The following MERTK variants were observed in gnomAD, a reference collection of about 807,000 sequenced individuals.
MERTK encodes the protein MER proto-oncogene, tyrosine kinase.
In MERTK, 69 loss-of-function variants were observed where a neutral mutation model predicts 99.3. That is an observed-to-expected ratio of 0.70 (90% CI 0.57 to 0.85). The LOEUF (loss-of-function observed/expected upper bound fraction) is 0.85. MERTK is among the 40% of genes least tolerant of loss of function. MERTK has a pLI of 0.00. For synonymous variants in MERTK, 426 were observed against 467.6 expected, an observed-to-expected ratio of 0.91 and a Z score of 1.15; for missense variants, 1,125 against 1,249.4, an observed-to-expected ratio of 0.90 and a Z score of 1.50.
At chr2:111,921,613 C>G (rs1214940212) in intron 1 of MERTK, among the ~76,000 whole-genome samples, 1 of 152,138 alleles carries the variant, frequency 6.6e-6, no homozygotes, top group Non-Finnish European at 1.5e-5. Flanking sequence ...GAGGAAACAG[C>G]ATACCTCTGG....
chr2:111,956,214 T>C (rs1045263007), intron 4 of MERTK, among the ~76,000 whole-genome samples: 4 of 152,196 alleles, frequency 2.6e-5, no homozygotes, highest in African/African-American at 9.7e-5. Context: ...AACTTCTGTA[T>C]ATAAAATAGG....
chr2:111,918,428 T>A (rs1684392649), intron 1 of MERTK, among the ~76,000 whole-genome samples: 1 of 151,688 alleles, frequency 6.6e-6, no homozygotes, highest in African/African-American at 2.4e-5. Context: ...GAACTGAGCA[T>A]CTCATCTGGG....
At chr2:111,928,358 T>C (rs967243655) in intron 1 of MERTK, among the ~76,000 whole-genome samples, 1 of 151,050 alleles carries the variant, frequency 6.6e-6, no homozygotes, top group African/African-American at 2.4e-5. Flanking sequence ...CCCAAATAGC[T>C]GGGACTACAG....
At chr2:111,977,834 A>G (rs952880635) in intron 7 of MERTK, among the ~76,000 whole-genome samples, 8 of 152,016 alleles carry the variant, frequency 5.3e-5, no homozygotes, top group Non-Finnish European at 8.8e-5. Flanking sequence ...CTCATCTGAC[A>G]TTAGTCCTAT....
chr2:111,958,588 T>C (rs550408606), intron 4 of MERTK, among the ~76,000 whole-genome samples: 17 of 152,314 alleles, frequency 1.1e-4, no homozygotes, highest in African/African-American at 4.1e-4. Context: ...TTTTAATACA[T>C]TGTGTGGTTA....
chr2:111,965,854 G>A (rs1558789321), intron 5 of MERTK, among the ~76,000 whole-genome samples: 1 of 152,078 alleles, frequency 6.6e-6, no homozygotes, highest in Admixed American at 6.5e-5. Context: ...TCTTCCTCTT[G>A]TTTCCTCTGA....
intron 2 of MERTK, among the ~76,000 whole-genome samples, chr2:111,939,858 G>C (rs1243842226): frequency 6.6e-6 from 1 of 151,732 alleles, no homozygotes; most frequent in Admixed American, 6.6e-5. Flanking sequence ...AGTTTCCTAA[G>C]TATCAATCAC....
intron 18 of MERTK, 28 bp from the exon 19 acceptor site, chr2:112,028,323 A>T: frequency 6.2e-7 from 1 of 1,610,778 alleles, no homozygotes; most frequent in Non-Finnish European, 8.5e-7. Flanking sequence ...CCATGCTGGG[A>T]GACAATCCAC....
At chr2:111,984,111 CAG>C (rs1260613099) in intron 8 of MERTK, among the ~76,000 whole-genome samples, 1 of 152,094 alleles carries the variant, frequency 6.6e-6, no homozygotes, top group East Asian at 1.9e-4. Flanking sequence ...GCCTGAGAAA[CAG>C]GGGCAGTGGT....
In MERTK at chr2:112,003,934, T is replaced by G; in HGVS notation, c.1817T>G (p.Leu606Arg). 6.2e-7 allele frequency: 1 copy of G among 1,613,870 alleles called. No homozygotes were observed. ...GEFGSVMEGN[L>R]KQEDGTSLKV... Reference sequence around the variant, plus strand: ...TTTGGGTCTGTAATGGAAGGAAATCTTAAGCAGGAAGATGGGACCTCTCTG... The same window carrying G: ...TTTGGGTCTGTAATGGAAGGAAATCGTAAGCAGGAAGATGGGACCTCTCTG... The change falls in exon 13 of 19, where the codon CTT becomes CGT. Residue 606 changes from leucine (L) to arginine (R), a missense_variant. Leu to Arg is a moderately radical substitution (Grantham distance 102). Transcript: ENST00000295408.
chr2:112,021,691 G>T (rs139184310), intron 17 of MERTK, 110 bp downstream of exon 17: 5 of 1,025,006 alleles, frequency 4.9e-6, no homozygotes, highest in Non-Finnish European at 7.5e-6. Flanking sequence ...ATAAACTGAG[G>T]GTTGGCAGCT....
chr2:111,904,830 G>T (rs10209260), intron 1 of MERTK, among the ~76,000 whole-genome samples: 7,254 of 152,262 alleles, frequency 0.048, 157 homozygotes, highest in African/African-American at 0.058. Context: ...AATGCAAAGG[G>T]CGCCAGGTGC....
At chr2:112,020,566 C>T (rs1252713770) in intron 16 of MERTK, 1 of 470,704 alleles carries the variant, frequency 2.1e-6, no homozygotes, top group Non-Finnish European at 4.4e-6. Flanking sequence ...GCTACAAATG[C>T]AGTTGTAGCC....
At chr2:111,928,907 A>G (rs1245798436) in intron 1 of MERTK, among the ~76,000 whole-genome samples, 1 of 152,160 alleles carries the variant, frequency 6.6e-6, no homozygotes, top group African/African-American at 2.4e-5. Flanking sequence ...GGGTGGTTAC[A>G]TTTCTTCAGG....
At chr2:112,022,785 C>T (rs191309222) in intron 18 of MERTK, among the ~76,000 whole-genome samples, 2 of 152,278 alleles carry the variant, frequency 1.3e-5, no homozygotes, top group East Asian at 3.9e-4. Flanking sequence ...TTATCTTTCT[C>T]CTTCTATGTA....
chr2:111,921,519 C>A (rs114434747), intron 1 of MERTK, among the ~76,000 whole-genome samples: 1 of 148,816 alleles, frequency 6.7e-6, no homozygotes. Flanking sequence ...AAAAAAAAAG[C>A]CTTTCTCTAA....
intron 10 of MERTK, 126 bp from the exon 11 acceptor site, chr2:112,001,074 AG>A (rs1434706535): frequency 4.1e-6 from 3 of 737,288 alleles, no homozygotes; most frequent in South Asian, 3.0e-5. Flanking sequence ...CGTTTCTTCT[AG>A]GGGGAAAGCT....
At chr2:111,961,416 A>C (rs1166268810) in intron 4 of MERTK, among the ~76,000 whole-genome samples, 1 of 151,790 alleles carries the variant, frequency 6.6e-6, no homozygotes, top group Non-Finnish European at 1.5e-5. Context: ...CAGCCTCCCA[A>C]AGTGCTGGGA....
Position 111,975,307 on chromosome 2 carries a change from C to G in MERTK, c.979C>G (p.Leu327Val). 6.2e-7 allele frequency: 1 copy of G among 1,614,230 alleles called. No homozygotes were observed. The highest frequency in any genetic ancestry group is 8.5e-7 in the Non-Finnish European group (1 of 1,180,040). Residue 327 changes from leucine (L) to valine (V), a missense_variant, in exon 7 of 19, where the codon CTG becomes GTG. Coordinates refer to ENST00000295408, the MANE Select transcript of MERTK (RefSeq NM_006343.3). ...CSIQVKEADP[L>V]SNGSVMIFNT... is the part of the protein sequence containing the mutation. ...CGTTTAGGTCAAGGAAGCTGATCCG[C>G]TGAGTAATGGCTCAGTCATGATTTT... is the stretch of plus-strand genomic sequence containing the variant.
Sources: gnomAD v4.1 joint callset for allele counts (sites outside exome capture counted in the v4.1 genomes callset) on GRCh38, gnomAD v4.1.1 for gene constraint, MANE v1.5 for transcripts, NCBI Gene and HGNC (gene_info 2026-07-23, HGNC 2026-07-21) for gene names.